Variants in IGF1R observed in about 807,000 individuals in gnomAD.
IGF1R encodes insulin-like growth factor 1 receptor.
In IGF1R, 44 loss-of-function variants were observed where a neutral mutation model predicts 144.6. That is an observed-to-expected ratio of 0.30 (90% CI 0.24 to 0.39). The LOEUF is 0.39. IGF1R is among the 10% of genes least tolerant of loss of function. The pLI is 1.00. For missense variants in IGF1R, 1,355 were observed against 1,833.7 expected (o/e 0.74, Z 4.77); for synonymous variants, 795 against 722.8 (o/e 1.10, Z -1.60).
At chr15:98,812,941 T>C (rs73479739) in intron 2 of IGF1R, among the ~76,000 whole-genome samples, 5,389 of 152,284 alleles carry the variant, frequency 0.035, 320 homozygotes, top group African/African-American at 0.12. Context: ...TCCACAAACC[T>C]GCTTCCTGTC....
chr15:98,826,290 G>A (rs1246242444), intron 2 of IGF1R, among the ~76,000 whole-genome samples: 1 of 152,156 alleles, frequency 6.6e-6, no homozygotes, highest in African/African-American at 2.4e-5. Flanking sequence ...GGGATTTAAC[G>A]TTTGCTGTAG....
chr15:98,834,096 C>G (rs904723798), intron 2 of IGF1R, among the ~76,000 whole-genome samples: 5 of 152,228 alleles, frequency 3.3e-5, no homozygotes, highest in African/African-American at 1.2e-4. Context: ...TCCTCTGTCC[C>G]CAAGAAATTA....
intron 2 of IGF1R, among the ~76,000 whole-genome samples, chr15:98,754,172 A>C (rs1164480335): frequency 6.6e-6 from 1 of 152,180 alleles, no homozygotes; most frequent in Non-Finnish European, 1.5e-5. Flanking sequence ...CCAGGTCTCC[A>C]AGTTTTCCCT....
Position 98,891,321 on chromosome 15 carries a change from A to G in IGF1R, c.641-4A>G, listed in dbSNP as rs2013901131. 8 of 1,604,954 alleles carry G rather than the reference A, an allele frequency of 5.0e-6. No homozygotes were observed. Among genetic ancestry groups the G allele is most frequent in the Non-Finnish European group, 6.8e-6 (8 of 1,179,850 alleles). ...TCATCTCCGTCTCTCCTCTCTCTCC[A>G]CAGTGTGCCCAAGCACGTGTGGGAA... is the stretch of plus-strand genomic sequence containing the variant. On this transcript the variant is annotated splice_polypyrimidine_tract_variant and splice_region_variant and intron_variant, in intron 2 of 20. Transcript: ENST00000650285. This position sits in a 1 kb window ranked among gnomAD's most constrained non-coding sequence, Gnocchi z 4.7.
In IGF1R at chr15:98,962,551, G is replaced by A. The variant is rs2017267775; in HGVS notation, c.*5109G>A. On this transcript the variant is annotated 3_prime_UTR_variant, in exon 21 of 21. Coordinates refer to ENST00000650285, the MANE Select transcript of IGF1R (RefSeq NM_000875.5). ...ATACAGACCTTGGACAGGTCAGAGG[G>A]TTTCATTTTTGGCCTTCATCTTAGA... The A allele has an allele frequency of 8.6e-6, 2 of 233,648 alleles. No homozygotes were observed. The highest frequency in any genetic ancestry group is 2.2e-5 in the African/African-American group (1 of 45,330). 14.5% of individuals were successfully genotyped at this position (233,648 alleles called of 1,614,324 possible). A position where few individuals can be genotyped will look rare whatever the true frequency, so the allele number is the denominator to read the frequency against.
intron 2 of IGF1R, among the ~76,000 whole-genome samples, chr15:98,812,422 T>C (rs1175825849): frequency 6.6e-6 from 1 of 151,970 alleles, no homozygotes; most frequent in Non-Finnish European, 1.5e-5. Flanking sequence ...AATGGTGCGA[T>C]CTCAGTTCAC....
chr15:98,892,933 C>T lies in IGF1R; in HGVS notation c.953+1296C>T, dbSNP rs559605452. On this transcript the variant is annotated intron_variant, in intron 3 of 20. Transcript: ENST00000650285. ...TTGGGAGTTGCAAGTGGGAGGATCA[C>T]CTGAGCCCTTGAGGTCAAGGCCGAA... 3.9e-5 allele frequency among the ~76,000 whole-genome samples: 6 copies of T among 152,294 alleles called. No individual in the cohort carries two copies. In the South Asian group the frequency reaches 1.2e-3, roughly 32 times the overall value.
chr15:98,676,411 C>T (rs2141206481), intron 1 of IGF1R, among the ~76,000 whole-genome samples: 1 of 152,330 alleles, frequency 6.6e-6, no homozygotes, highest in South Asian at 2.1e-4. Context: ...GCTAGGATTA[C>T]AGGCGTGAGC....
At chr15:98,802,927 T>G (rs1417895278) in intron 2 of IGF1R, among the ~76,000 whole-genome samples, 1 of 152,224 alleles carries the variant, frequency 6.6e-6, no homozygotes, top group Non-Finnish European at 1.5e-5. Flanking sequence ...GGTAATTGTT[T>G]CCATTTTAGG....
intron 1 of IGF1R, among the ~76,000 whole-genome samples, chr15:98,696,479 A>G (rs923406162): frequency 2.0e-5 from 3 of 152,234 alleles, no homozygotes; most frequent in Non-Finnish European, 4.4e-5. Flanking sequence ...TTAGCAAGGC[A>G]TTGTAGACCA....
chr15:98,879,261 AT>A (rs1275664430), intron 2 of IGF1R, among the ~76,000 whole-genome samples: 2 of 152,230 alleles, frequency 1.3e-5, no homozygotes, highest in African/African-American at 2.4e-5. Flanking sequence ...ACACTAGAAT[AT>A]TTTTTAAAAG....
At chr15:98,779,734 G>C (rs751913216) in intron 2 of IGF1R, among the ~76,000 whole-genome samples, 6 of 152,194 alleles carry the variant, frequency 3.9e-5, no homozygotes, top group African/African-American at 1.4e-4. Flanking sequence ...TTCCGTCTGC[G>C]GGGAGCCGAG....
chr15:98,880,488 G>A (rs2013315738), intron 2 of IGF1R, among the ~76,000 whole-genome samples: 1 of 152,180 alleles, frequency 6.6e-6, no homozygotes. Context: ...CATTAATTAA[G>A]TGTTCACAGA....
chr15:98,738,294 C>T (rs1219684157), intron 2 of IGF1R, among the ~76,000 whole-genome samples: 1 of 152,208 alleles, frequency 6.6e-6, no homozygotes, highest in Non-Finnish European at 1.5e-5. Context: ...ACTCAGCCTC[C>T]CAATTAGCTG....
At chr15:98,724,017 C>G (rs1165670417) in intron 2 of IGF1R, among the ~76,000 whole-genome samples, 3 of 151,990 alleles carry the variant, frequency 2.0e-5, no homozygotes, top group Admixed American at 6.6e-5. Flanking sequence ...TTAGGCCAAT[C>G]CATTTAATTG....
chr15:98,759,971 G>A (rs2055251840), intron 2 of IGF1R, among the ~76,000 whole-genome samples: 1 of 152,180 alleles, frequency 6.6e-6, no homozygotes, highest in Non-Finnish European at 1.5e-5. Context: ...CACTGCCTTT[G>A]CTGCCACATT....
chr15:98,891,672 C>G lies in IGF1R; in HGVS notation c.953+35C>G. ...GGCCACACGTGTGGTCACTACCCGC[C>G]CCACCTCACCCGCCACCCTAGCACA... is the stretch of plus-strand genomic sequence containing the variant. On this transcript the variant is annotated intron_variant, in intron 3 of 20. Coordinates refer to ENST00000650285, the MANE Select transcript of IGF1R (RefSeq NM_000875.5). The surrounding 1 kb of genome is among the most constrained non-coding windows in gnomAD (Gnocchi z 4.7). 6.3e-7 allele frequency: 1 copy of G among 1,582,228 alleles called. No homozygotes were observed. The highest frequency in any genetic ancestry group is 1.1e-5 in the South Asian group (1 of 90,266).
At chr15:98,820,449 T>G (rs886334782) in intron 2 of IGF1R, among the ~76,000 whole-genome samples, 7 of 152,188 alleles carry the variant, frequency 4.6e-5, no homozygotes, top group Admixed American at 4.6e-4. Flanking sequence ...TAATCCAACT[T>G]TTTCTCAATA....
chr15:98,859,695 C>T (rs1033758779), intron 2 of IGF1R, among the ~76,000 whole-genome samples: 5 of 152,160 alleles, frequency 3.3e-5, no homozygotes, highest in African/African-American at 1.2e-4. Flanking sequence ...CTTTAAAAAA[C>T]AAACACACAC....
Sources: gnomAD v4.1 joint callset for allele counts (sites outside exome capture counted in the v4.1 genomes callset) on GRCh38, gnomAD v4.1.1 for gene constraint, Gnocchi (gnomAD v3.1) non-coding constraint, MANE v1.5 for transcripts, NCBI Gene and HGNC (gene_info 2026-07-23, HGNC 2026-07-21) for gene names.